EDDM13: variants seen among roughly 807,000 people sequenced by gnomAD.
EDDM13 encodes epididymal protein 13.
A neutral mutation model predicts 17.8 loss-of-function variants in EDDM13; 24 were observed. The observed-to-expected ratio is 1.35, with a 90% CI of 0.98 to 1.90. The LOEUF is 1.90. Ranked by LOEUF, EDDM13 falls within the 40% of genes most tolerant of loss-of-function variation. The pLI is 0.00. For synonymous variants in EDDM13, 31 were observed against 37.5 expected (o/e 0.83, Z 0.63); for missense variants, 97 against 100.8 (o/e 0.96, Z 0.16).
chr19:56,291,180 T>G (rs568235546), intron 9 of EDDM13, among the ~76,000 whole-genome samples: 2 of 152,174 alleles, frequency 1.3e-5, no homozygotes, highest in Non-Finnish European at 2.9e-5. Flanking sequence ...TACATATTTG[T>G]TGGGAGGGCC....
At chr19:56,308,688 G>A (rs555122844) in intron 14 of EDDM13, among the ~76,000 whole-genome samples, 6 of 149,436 alleles carry the variant, frequency 4.0e-5, no homozygotes, top group Non-Finnish European at 7.4e-5. Context: ...TTATGCCATT[G>A]CACACATTGA....
chr19:56,291,194 G>A (rs936135753), intron 9 of EDDM13, among the ~76,000 whole-genome samples: 1 of 152,212 alleles, frequency 6.6e-6, no homozygotes, highest in Non-Finnish European at 1.5e-5. Flanking sequence ...GAGGGCCATT[G>A]AGAAGAGAAC....
chr19:56,293,576 G>A lies in EDDM13; in HGVS notation c.233-2383G>A, dbSNP rs191894987. ...ACCACTTTCTAGTTCCGTGGGCTTC[G>A]GACCCTCGCCTCCTGAAGGGCTCAG... On this transcript the variant is annotated intron_variant, in intron 9 of 14. Transcript: ENST00000649256. Among the ~76,000 whole-genome samples the A allele has an allele frequency of 4.5e-4, 68 of 152,310 alleles. 1 individual carries two copies. The highest frequency in any genetic ancestry group is 8.5e-4 in the Non-Finnish European group (58 of 68,028).
At chr19:56,286,141 C>T (rs949104968) in intron 6 of EDDM13, among the ~76,000 whole-genome samples, 62 of 152,254 alleles carry the variant, frequency 4.1e-4, no homozygotes, top group African/African-American at 1.5e-3. Context: ...CCTGCCTCAG[C>T]CTCCCGAGTA....
intron 12 of EDDM13, 81 bp from the exon 13 acceptor site, chr19:56,301,887 A>G: frequency 4.9e-6 from 6 of 1,230,572 alleles, no homozygotes; most frequent in Non-Finnish European, 5.1e-6. Flanking sequence ...GGAGATCAGA[A>G]TGGAGAGACA....
chr19:56,302,042 T>C lies in EDDM13; in HGVS notation c.370T>C (p.Cys124Arg). ...KRKNTWNFLK[C>R]AYMVMTYLFV... is the part of the protein sequence containing the mutation. Reference sequence around the variant, plus strand: ...GAAGAACACGTGGAACTTCCTGAAATGCGCCTACATGGTGATGACCTACCT... The same window carrying C: ...GAAGAACACGTGGAACTTCCTGAAACGCGCCTACATGGTGATGACCTACCT... The change falls in exon 13 of 15, where the codon TGC becomes CGC. Residue 124 changes from cysteine (C) to arginine (R), a missense_variant. Coordinates refer to ENST00000649256, the MANE Select transcript of EDDM13 (RefSeq NM_001354658.2). 1 of 1,231,892 alleles carries C rather than the reference T, an allele frequency of 8.1e-7. No homozygotes were observed. The highest frequency in any genetic ancestry group is 4.1e-5 in the South Asian group (1 of 24,312). The allele number at this position is 1,231,892 out of a possible 1,614,324, so 76.3% of individuals were successfully genotyped here. A position where few individuals can be genotyped will look rare whatever the true frequency, so the allele number is the denominator to read the frequency against.
intron 12 of EDDM13, among the ~76,000 whole-genome samples, chr19:56,300,294 T>C (rs1412143867): frequency 6.6e-6 from 1 of 152,196 alleles, no homozygotes; most frequent in East Asian, 1.9e-4. Flanking sequence ...GCTCTCAAGA[T>C]AAACAACAGC....
intron 11 of EDDM13, among the ~76,000 whole-genome samples, chr19:56,297,221 T>G (rs1457880267): frequency 6.6e-6 from 1 of 152,146 alleles, no homozygotes; most frequent in Admixed American, 6.5e-5. Context: ...GCTGAGTCCC[T>G]GGGATCCAGG....
chr19:56,287,092 C>G (rs563582469), intron 6 of EDDM13, among the ~76,000 whole-genome samples: 1 of 152,206 alleles, frequency 6.6e-6, no homozygotes, highest in African/African-American at 2.4e-5. Context: ...ATTCTGGAGT[C>G]TAAAGTCTTC....
rs2039962005 is a variant in EDDM13 at position 56,297,565 on chromosome 19, TA to T, written c.295+36del. The T allele has an allele frequency of 5.1e-6, 5 of 974,828 alleles. No homozygotes were observed. The African/African-American group carries it at 8.8e-5, about 17-fold the overall frequency. 60.4% of individuals were successfully genotyped at this position (974,828 alleles called of 1,614,324 possible). On this transcript the variant is annotated intron_variant, in intron 12 of 14. Transcript: ENST00000649256. ...TTGGGGTCGTACCATTCCTCATCTA[TA>T]AGACAGTGTGTCCCTTCTGTCTGGG...
chr19:56,293,643 A>G (rs2039667220), intron 9 of EDDM13, among the ~76,000 whole-genome samples: 1 of 152,102 alleles, frequency 6.6e-6, no homozygotes, highest in Non-Finnish European at 1.5e-5. Context: ...CCAGCCTCAT[A>G]TGGTTGTGAG....
chr19:56,305,257 T>G (rs112375679), intron 14 of EDDM13, among the ~76,000 whole-genome samples: 1 of 131,512 alleles, frequency 7.6e-6, no homozygotes, highest in East Asian at 3.3e-4. Flanking sequence ...CTCTTCCCCC[T>G]GTTCCTGGCA....
In EDDM13 at chr19:56,281,712, CCTT is replaced by C. The variant is rs1427307075; in HGVS notation, c.109+17_109+19del. 1 of 985,212 alleles carries C rather than the reference CCTT, an allele frequency of 1.0e-6. No individual in the cohort carries two copies. Among genetic ancestry groups the C allele is most frequent in the African/African-American group, 1.7e-5 (1 of 57,232 alleles). 61.0% of individuals were successfully genotyped at this position (985,212 alleles called of 1,614,324 possible). ...TTCCAGTCAACTGTAAGTCATATCT[CCTT>C]CTCCCTACATAAATGGGGAGCCCGC... On this transcript the variant is annotated intron_variant, in intron 3 of 14. Coordinates refer to ENST00000649256, the MANE Select transcript of EDDM13 (RefSeq NM_001354658.2).
At chr19:56,299,365 CCA>C (rs1450153150) in intron 12 of EDDM13, among the ~76,000 whole-genome samples, 5 of 151,732 alleles carry the variant, frequency 3.3e-5, no homozygotes, top group African/African-American at 7.3e-5. Flanking sequence ...ATTCCTGGGC[CCA>C]AGTGAGCCTC....
At chr19:56,284,387 C>T (rs2038944378) in intron 5 of EDDM13, among the ~76,000 whole-genome samples, 181 bp downstream of exon 5, 1 of 151,992 alleles carries the variant, frequency 6.6e-6, no homozygotes, top group Admixed American at 6.6e-5. Context: ...TGTGCCTGGA[C>T]TCATGCTTGG....
intron 14 of EDDM13, among the ~76,000 whole-genome samples, chr19:56,306,405 CAGATGGGAG>C: frequency 2.7e-5 from 1 of 37,642 alleles, no homozygotes; most frequent in Admixed American, 2.5e-4. Context: ...GTACTAAGGA[CAGATGGGAG>C]ACTTCTCTTC....
In EDDM13 at chr19:56,272,913, C is replaced by T. The variant is rs961487296; in HGVS notation, c.79C>T (p.Arg27Cys). 8 of 984,922 alleles carry T rather than the reference C, an allele frequency of 8.1e-6. No homozygotes were observed. Among genetic ancestry groups the T allele is most frequent in the Non-Finnish European group, 8.4e-6 (7 of 829,494 alleles). The allele number at this position is 984,922 out of a possible 1,614,324, so 61.0% of individuals were successfully genotyped here. A position where few individuals can be genotyped will look rare whatever the true frequency, so the allele number is the denominator to read the frequency against. The change falls in exon 1 of 15, where the codon CGT becomes TGT. Residue 27 changes from arginine to cysteine, a missense_variant. By Grantham distance (180) the Arg-to-Cys change is radical. Coordinates refer to ENST00000649256, the MANE Select transcript of EDDM13 (RefSeq NM_001354658.2). The stretch of plus-strand genomic sequence containing the variant: ...GGGATTGGCAGAAGCCTGTACTCCT[C>T]GTGAAGGTAATGCTTCCAGCCATGC... ...FLGLAEACTP[R>C]EVATKEKINL...
intron 9 of EDDM13, among the ~76,000 whole-genome samples, chr19:56,292,055 T>C (rs562509852): frequency 7.2e-5 from 11 of 152,274 alleles, no homozygotes; most frequent in African/African-American, 2.4e-4. Flanking sequence ...ATCCCAGTGG[T>C]GACGGTGGGT....
intron 2 of EDDM13, among the ~76,000 whole-genome samples, chr19:56,276,504 CTCTT>C (rs1421000410): frequency 1.0e-5 from 1 of 97,058 alleles, no homozygotes; most frequent in Non-Finnish European, 2.6e-5. Context: ...ATCTAAAGAG[CTCTT>C]TTTTTTTTTT....
Sources: gnomAD v4.1 joint callset for allele counts (sites outside exome capture counted in the v4.1 genomes callset) on GRCh38, gnomAD v4.1.1 for gene constraint, MANE v1.5 for transcripts, NCBI Gene and HGNC (gene_info 2026-07-23, HGNC 2026-07-21) for gene names.